Variants in RFX7 observed in about 807,000 individuals in gnomAD.
The protein encoded by RFX7 is regulatory factor X7.
RFX7 carries 26 observed loss-of-function variants against 111.8 expected under a neutral mutation model. That is an observed-to-expected ratio of 0.23 (90% confidence interval 0.17 to 0.32). The LOEUF (loss-of-function observed/expected upper bound fraction) is 0.32. Among genes scored for constraint, RFX7 ranks in the 10% least tolerant of loss-of-function variants. The pLI is 1.00. For synonymous variants in RFX7, 624 were observed against 624.4 expected (o/e 1.00, Z 0.01); for missense variants, 1,573 against 1,772.9 (o/e 0.89, Z 2.02).
At chr15:56,153,850 T>C (rs1171390525) in intron 3 of RFX7, among the ~76,000 whole-genome samples, 1 of 152,184 alleles carries the variant, frequency 6.6e-6, no homozygotes, top group Non-Finnish European at 1.5e-5. Context: ...GGAAGTCAAA[T>C]TGTCTCTGTT....
At chr15:56,133,987 T>C (rs564124575) in intron 5 of RFX7, among the ~76,000 whole-genome samples, 1 of 152,182 alleles carries the variant, frequency 6.6e-6, no homozygotes, top group East Asian at 1.9e-4. Context: ...AACTAATTCA[T>C]ACTCTGAGCT....
chr15:56,191,162 C>T (rs2141162579), intron 2 of RFX7, among the ~76,000 whole-genome samples: 1 of 152,292 alleles, frequency 6.6e-6, no homozygotes, highest in East Asian at 1.9e-4. Flanking sequence ...ACCTGGTTCT[C>T]TCTGACAGGC....
At chr15:56,097,540 G>A (rs925142395) in intron 9 of RFX7, among the ~76,000 whole-genome samples, 5 of 151,902 alleles carry the variant, frequency 3.3e-5, no homozygotes, top group Admixed American at 2.6e-4. Flanking sequence ...ATCACTTGAC[G>A]TCACAAGTTC....
At chr15:56,153,583 T>A (rs879035619) in intron 3 of RFX7, among the ~76,000 whole-genome samples, 1 of 152,098 alleles carries the variant, frequency 6.6e-6, no homozygotes, top group Non-Finnish European at 1.5e-5. Flanking sequence ...AGGCCTTTGA[T>A]AAAATTCACC....
chr15:56,109,971 T>C, intron 5 of RFX7, among the ~76,000 whole-genome samples: 1 of 112,716 alleles, frequency 8.9e-6, no homozygotes, highest in Non-Finnish European at 1.8e-5. Flanking sequence ...GGTGGGGGGA[T>C]CAGCCCCCTG....
chr15:56,153,490 A>G (rs2042605314), intron 3 of RFX7, among the ~76,000 whole-genome samples: 1 of 152,160 alleles, frequency 6.6e-6, no homozygotes, highest in Admixed American at 6.6e-5. Flanking sequence ...AAATCAATAA[A>G]CATAATCCCA....
chr15:56,109,505 C>T (rs1197522825), intron 5 of RFX7, among the ~76,000 whole-genome samples: 1 of 152,162 alleles, frequency 6.6e-6, no homozygotes, highest in East Asian at 1.9e-4. Flanking sequence ...GCCTGGCCGC[C>T]CATCGTCTGG....
At chr15:56,205,433 A>C (rs2043239959) in intron 2 of RFX7, among the ~76,000 whole-genome samples, 1 of 152,202 alleles carries the variant, frequency 6.6e-6, no homozygotes. Flanking sequence ...TCTTTATCTC[A>C]AATACTAACC....
chr15:56,179,236 G>T (rs1379719466), intron 3 of RFX7, 34 bp downstream of exon 3: 2 of 1,090,860 alleles, frequency 1.8e-6, no homozygotes, highest in Admixed American at 5.4e-5. Flanking sequence ...AAACCTTATT[G>T]CAAAAGGATT....
chr15:56,102,704 G>C (rs930458585), intron 6 of RFX7, among the ~76,000 whole-genome samples: 1 of 152,082 alleles, frequency 6.6e-6, no homozygotes, highest in Non-Finnish European at 1.5e-5. Context: ...CAGGATTATC[G>C]CCTGTAACAT....
intron 2 of RFX7, chr15:56,192,446 T>A (rs552690934): frequency 9.3e-6 from 2 of 215,064 alleles, no homozygotes; most frequent in South Asian, 1.8e-4. Context: ...TGGGGTTCTT[T>A]GTATCTATTT....
rs1353676173 is a variant in RFX7 at position 56,089,796 on chromosome 15, C to G, written c.*3549G>C. On this transcript the variant is annotated 3_prime_UTR_variant, in exon 10 of 10. Transcript: ENST00000559447. ...GAGCCTTCCTGCTCTTTACCTCTCC[C>G]TTCCTAATCTCCACTCCTTTCCTTT... 1 of 152,148 alleles carries G rather than the reference C, an allele frequency of 6.6e-6. No homozygotes were observed. Among genetic ancestry groups the G allele is most frequent in the African/African-American group, 2.4e-5 (1 of 41,424 alleles). The allele number at this position is 152,148 out of a possible 1,614,324, so 9.4% of individuals were successfully genotyped here. A position where few individuals can be genotyped will look rare whatever the true frequency, so the allele number is the denominator to read the frequency against.
chr15:56,188,246 T>C (rs759490021), intron 2 of RFX7, among the ~76,000 whole-genome samples: 3 of 152,168 alleles, frequency 2.0e-5, no homozygotes, highest in Non-Finnish European at 4.4e-5. Context: ...GGAAAATCAA[T>C]AGGTCTATTG....
chr15:56,129,004 T>G (rs1213045456), intron 5 of RFX7, among the ~76,000 whole-genome samples: 1 of 152,134 alleles, frequency 6.6e-6, no homozygotes, highest in African/African-American at 2.4e-5. Context: ...GTATACATCC[T>G]TGAAAGAAAT....
chr15:56,097,510 T>C (rs1028971638), intron 9 of RFX7, among the ~76,000 whole-genome samples: 2 of 152,106 alleles, frequency 1.3e-5, no homozygotes, highest in South Asian at 2.1e-4. Context: ...CCCAGTACTT[T>C]GGGAGGCCAA....
At chr15:56,138,328 G>C (rs2042336455) in intron 5 of RFX7, among the ~76,000 whole-genome samples, 1 of 150,532 alleles carries the variant, frequency 6.6e-6, no homozygotes, top group Non-Finnish European at 1.5e-5. Context: ...ATTTAGGATA[G>C]TTAGCTCTTC....
intron 5 of RFX7, among the ~76,000 whole-genome samples, chr15:56,107,204 G>A (rs1380950137): frequency 6.9e-6 from 1 of 144,820 alleles, no homozygotes; most frequent in African/African-American, 2.5e-5. Context: ...GGCTGAGGCA[G>A]GAGAATGGCG....
chr15:56,203,403 T>C lies in RFX7; in HGVS notation c.162-24100A>G, dbSNP rs554495980. Among the ~76,000 whole-genome samples, 38 of 152,312 alleles carry C rather than the reference T, an allele frequency of 2.5e-4. No homozygotes were observed. The East Asian group carries it at 7.1e-3, about 29-fold the overall frequency. On this transcript the variant is annotated intron_variant, in intron 2 of 9. Coordinates refer to ENST00000559447, the MANE Select transcript of RFX7 (RefSeq NM_022841.7). ...GCCAGGATTTTAATATTGTTTAAAA[T>C]TGGATTTTAATTTAAGGATTAAGTT... is the stretch of plus-strand genomic sequence containing the variant.
intron 2 of RFX7, among the ~76,000 whole-genome samples, chr15:56,228,690 T>C (rs989986455): frequency 2.0e-5 from 3 of 152,176 alleles, no homozygotes; most frequent in African/African-American, 7.2e-5. Flanking sequence ...TGTAGGATTA[T>C]ATTCAAAAAC....
Sources: allele counts gnomAD v4.1 joint callset (sites outside exome capture counted in the v4.1 genomes callset), GRCh38; gene constraint gnomAD v4.1.1; transcripts MANE v1.5; gene names NCBI Gene and HGNC (gene_info 2026-07-23, HGNC 2026-07-21).